Variants in IGFBP6 observed in about 807,000 individuals in gnomAD.
IGFBP6 encodes the protein insulin-like growth factor-binding protein 6.
In IGFBP6, 24 loss-of-function variants were observed where a neutral mutation model predicts 24.5. The observed-to-expected ratio is 0.98, with a 90% CI of 0.71 to 1.38. IGFBP6 has a LOEUF of 1.38. Ranked by LOEUF, IGFBP6 falls within the 40% of genes most tolerant of loss-of-function variation. The pLI is 0.00. For missense variants in IGFBP6, 331 were observed against 324.8 expected (o/e 1.02, Z -0.15); for synonymous variants, 147 against 137.4 (o/e 1.07, Z -0.49).
Position 53,102,236 on chromosome 12 carries a change from C to G in IGFBP6, c.*69C>G. Reference sequence around the variant, plus strand: ...GAGCTGTCATCACTCAACAAAAAACCGAGGCCCTCAATCCACCTTCAGGCC... The same window carrying G: ...GAGCTGTCATCACTCAACAAAAAACGGAGGCCCTCAATCCACCTTCAGGCC... On this transcript the variant is annotated 3_prime_UTR_variant, in exon 4 of 4. Transcript: ENST00000301464. 1 of 1,575,808 alleles carries G rather than the reference C, an allele frequency of 6.3e-7. No homozygotes were observed. The highest frequency in any genetic ancestry group is 8.6e-7 in the Non-Finnish European group (1 of 1,158,628).
rs1332379434 is a variant in IGFBP6 at position 53,097,869 on chromosome 12, G to A, written c.152G>A (p.Gly51Glu). Residue 51 changes from glycine to glutamate, a missense_variant, in exon 1 of 4, where the codon GGG becomes GAG. Gly to Glu is a moderately conservative substitution (Grantham distance 98). Coordinates refer to ENST00000301464, the MANE Select transcript of IGFBP6 (RefSeq NM_002178.3). ...PGGCVEEEDGGSPAEGCAEAE... is the reference protein window; with the variant it reads ...PGGCVEEEDGESPAEGCAEAE... ...GGCTGCGTGGAGGAGGAGGATGGGGGGTCGCCAGCCGAGGGCTGCGCGGAA... is the reference window on the plus strand; with the variant it reads ...GGCTGCGTGGAGGAGGAGGATGGGGAGTCGCCAGCCGAGGGCTGCGCGGAA... 1 of 1,519,004 alleles carries A rather than the reference G, an allele frequency of 6.6e-7. No individual in the cohort carries two copies. The highest frequency in any genetic ancestry group is 2.1e-5 in the Admixed American group (1 of 48,680). The allele number at this position is 1,519,004 out of a possible 1,614,324, so 94.1% of individuals were successfully genotyped here.
At position 53,102,264 on chromosome 12, in the gene IGFBP6, G is replaced by C; in HGVS notation, c.*97G>C. On this transcript the variant is annotated 3_prime_UTR_variant, in exon 4 of 4. Coordinates refer to ENST00000301464, the MANE Select transcript of IGFBP6 (RefSeq NM_002178.3). ...GGCCCTCAATCCACCTTCAGGCCCC[G>C]CCCCATGGGCCCCTCACCGCTGGTT... 1 of 1,348,000 alleles carries C rather than the reference G, an allele frequency of 7.4e-7. No homozygotes were observed. Among genetic ancestry groups the C allele is most frequent in the South Asian group, 1.3e-5 (1 of 75,154 alleles). The allele number at this position is 1,348,000 out of a possible 1,614,324, so 83.5% of individuals were successfully genotyped here. A position where few individuals can be genotyped will look rare whatever the true frequency, so the allele number is the denominator to read the frequency against.
In IGFBP6 at chr12:53,098,043, C is replaced by A. The variant is rs1458031115; in HGVS notation, c.326C>A (p.Ala109Glu). ...CGAGGCCGCTGCCTTCCGGCCCGCG[C>A]GCCTGCTGGTGAGTCCGCGCCCCGC... ...LGRGRCLPAR[A>E]PAVAEENPKE... Residue 109 changes from alanine (A) to glutamate (E), a missense_variant, in exon 1 of 4, where the codon GCG (alanine) becomes GAG (glutamate). Transcript: ENST00000301464. The A allele has an allele frequency of 6.2e-6, 9 of 1,459,374 alleles. No individual in the cohort carries two copies. The highest frequency in any genetic ancestry group is 5.5e-5 in the East Asian group (2 of 36,652). 90.4% of individuals were successfully genotyped at this position (1,459,374 alleles called of 1,614,324 possible).
intron 1 of IGFBP6, 43 bp downstream of exon 1, chr12:53,098,094 C>T: frequency 9.3e-6 from 13 of 1,391,988 alleles, no homozygotes; most frequent in South Asian, 1.6e-5. Flanking sequence ...GTGAGACCCG[C>T]GTCCTCCAGG....
intron 3 of IGFBP6, 44 bp from the exon 4 acceptor site, chr12:53,102,001 G>T (rs1200710381): frequency 2.5e-6 from 4 of 1,581,958 alleles, no homozygotes; most frequent in Non-Finnish European, 3.4e-6. Context: ...TCTCCTGCTG[G>T]AAGCCTCTGG....
chr12:53,097,800 G>A lies in IGFBP6; in HGVS notation c.83G>A (p.Arg28Gln), dbSNP rs1171003791. 24 of 1,543,462 alleles carry A rather than the reference G, an allele frequency of 1.6e-5. No individual in the cohort carries two copies. The East Asian group carries it at 5.4e-4, about 35-fold the overall frequency. Residue 28 changes from arginine (R) to glutamine (Q), a missense_variant, in exon 1 of 4, where the codon CGG becomes CAG. Arg to Gln is a conservative substitution (Grantham distance 43). Transcript: ENST00000301464. ...GCCAGCCCAGGAGGCGCCTTGGCGC[G>A]GTGCCCAGGCTGCGGGCAAGGGGTG... ...LAASPGGALA[R>Q]CPGCGQGVQA...
chr12:53,097,799 C>G lies in IGFBP6; in HGVS notation c.82C>G (p.Arg28Gly), dbSNP rs1423210155. Residue 28 changes from arginine (R) to glycine (G), a missense_variant, in exon 1 of 4, where the codon CGG becomes GGG. Physicochemically the swap from Arg to Gly is moderately radical, Grantham distance 125. Transcript: ENST00000301464. Reference sequence around the variant, plus strand: ...TGCCAGCCCAGGAGGCGCCTTGGCGCGGTGCCCAGGCTGCGGGCAAGGGGT... The same window carrying G: ...TGCCAGCCCAGGAGGCGCCTTGGCGGGGTGCCCAGGCTGCGGGCAAGGGGT... Reference protein sequence around the residue: ...LAASPGGALARCPGCGQGVQA... With the variant: ...LAASPGGALAGCPGCGQGVQA... 8 of 1,543,330 alleles carry G rather than the reference C, an allele frequency of 5.2e-6. No individual in the cohort carries two copies. In the Admixed American group the frequency reaches 1.6e-4, roughly 30 times the overall value.
chr12:53,097,716 C>A lies in IGFBP6; in HGVS notation c.-2C>A, dbSNP rs1937760920. On this transcript the variant is annotated 5_prime_UTR_variant, in exon 1 of 4. Coordinates refer to ENST00000301464, the MANE Select transcript of IGFBP6 (RefSeq NM_002178.3). ...GGAGAGGACGGGGCACAAACCCTGACCATGACCCCCCACAGGCTGCTGCCA... is the reference window on the plus strand; with the variant it reads ...GGAGAGGACGGGGCACAAACCCTGAACATGACCCCCCACAGGCTGCTGCCA... 1.3e-6 allele frequency: 2 copies of A among 1,544,324 alleles called. No individual in the cohort carries two copies. The highest frequency in any genetic ancestry group is 1.7e-6 in the Non-Finnish European group (2 of 1,146,392).
chr12:53,098,768 T>C (rs9658606), intron 1 of IGFBP6, among the ~76,000 whole-genome samples: 8,690 of 151,802 alleles, frequency 0.057, 792 homozygotes, highest in African/African-American at 0.2. Context: ...GCTGAGTCAC[T>C]GGGTGGGTGG....
chr12:53,100,650 A>G (rs1255450994), intron 1 of IGFBP6, 62 bp from the exon 2 acceptor site: 3 of 1,565,154 alleles, frequency 1.9e-6, no homozygotes, highest in Non-Finnish European at 2.6e-6. Context: ...GATGTGGGCA[A>G]GGCCCTTCTC....
intron 1 of IGFBP6, among the ~76,000 whole-genome samples, chr12:53,099,600 C>T (rs1332677579): frequency 6.6e-6 from 1 of 152,184 alleles, no homozygotes; most frequent in Non-Finnish European, 1.5e-5. Context: ...TGCCCCAGCT[C>T]TCCGGCTTCG....
intron 1 of IGFBP6, among the ~76,000 whole-genome samples, chr12:53,098,667 G>C (rs1937781153): frequency 6.6e-6 from 1 of 152,202 alleles, no homozygotes; most frequent in Admixed American, 6.5e-5. Context: ...GTAGGGGAAA[G>C]AGGGAATCTG....
Position 53,102,261 on chromosome 12 carries a change from C to T in IGFBP6, c.*94C>T, listed in dbSNP as rs1937844528. On this transcript the variant is annotated 3_prime_UTR_variant, in exon 4 of 4. Transcript: ENST00000301464. ...CGAGGCCCTCAATCCACCTTCAGGC[C>T]CCGCCCCATGGGCCCCTCACCGCTG... 2 of 1,433,196 alleles carry T rather than the reference C, an allele frequency of 1.4e-6. No homozygotes were observed. Among genetic ancestry groups the T allele is most frequent in the Middle Eastern group, 1.8e-4 (1 of 5,528 alleles). 88.8% of individuals were successfully genotyped at this position (1,433,196 alleles called of 1,614,324 possible).
intron 1 of IGFBP6, 53 bp downstream of exon 1, chr12:53,098,104 G>T: frequency 1.4e-6 from 2 of 1,390,020 alleles, no homozygotes; most frequent in Non-Finnish European, 1.9e-6. Context: ...CGTCCTCCAG[G>T]CAGGGTCCTG....
rs761402180 is a variant in IGFBP6 at position 53,098,048 on chromosome 12, G to A, written c.331G>A (p.Ala111Thr). Residue 111 changes from alanine to threonine, a missense_variant, in exon 1 of 4, where the codon GCT (alanine) becomes ACT (threonine). By Grantham distance (58) the Ala-to-Thr change is moderately conservative (BLOSUM62 0). Coordinates refer to ENST00000301464, the MANE Select transcript of IGFBP6 (RefSeq NM_002178.3). ...CCGCTGCCTTCCGGCCCGCGCGCCT[G>A]CTGGTGAGTCCGCGCCCCGCCCCTG... ...RGRCLPARAP[A>T]VAEENPKESK... 1.7e-5 allele frequency: 24 copies of A among 1,449,090 alleles called. No homozygotes were observed. Among genetic ancestry groups the A allele is most frequent in the East Asian group, 5.5e-5 (2 of 36,470 alleles). The allele number at this position is 1,449,090 out of a possible 1,614,324, so 89.8% of individuals were successfully genotyped here. A position where few individuals can be genotyped will look rare whatever the true frequency, so the allele number is the denominator to read the frequency against.
chr12:53,102,107 C>G lies in IGFBP6; in HGVS notation c.663C>G (p.Ser221=), dbSNP rs767349329. ...GGTGTGTGGATCGGATGGGCAAGTC[C>G]CTGCCAGGGTCTCCAGATGGCAATG... ...PCWCVDRMGK[S]LPGSPDGNGS... Residue 221 remains serine (S), a synonymous_variant, in exon 4 of 4, where the codon TCC becomes TCG. Transcript: ENST00000301464. 6.2e-7 allele frequency: 1 copy of G among 1,613,460 alleles called. No homozygotes were observed. Among genetic ancestry groups the G allele is most frequent in the East Asian group, 2.2e-5 (1 of 44,822 alleles).
Position 53,097,817 on chromosome 12 carries a change from C to T in IGFBP6, c.100C>T (p.Gln34Ter). Reference protein sequence around the residue: ...GALARCPGCGQGVQAGCPGGC... With the variant: ...GALARCPGCG ...CTTGGCGCGGTGCCCAGGCTGCGGG[C>T]AAGGGGTGCAGGCGGGTTGTCCAGG... The change falls in exon 1 of 4, where the codon CAA becomes TAA. Residue 34 changes from glutamine (Q) to a stop codon, truncating the protein, a stop_gained. Coordinates refer to ENST00000301464, the MANE Select transcript of IGFBP6 (RefSeq NM_002178.3). LOFTEE classifies it high-confidence loss of function. 1.3e-6 allele frequency: 2 copies of T among 1,540,864 alleles called. No individual in the cohort carries two copies. Among genetic ancestry groups the T allele is most frequent in the Non-Finnish European group, 1.7e-6 (2 of 1,145,170 alleles).
In IGFBP6 at chr12:53,100,826, C is replaced by G. The variant is rs757747117; in HGVS notation, c.449C>G (p.Pro150Arg). Residue 150 changes from proline (P) to arginine (R), a missense_variant, in exon 2 of 4, where the codon CCC becomes CGC. Physicochemically the swap from Pro to Arg is moderately radical, Grantham distance 103 (BLOSUM62 -2). Transcript: ENST00000301464. ...GGCACCTCTACCACGCCCTCCCAGC[C>G]CAATTCTGCGGGTGTCCAAGACACT... The part of the protein sequence containing the change: ...NPGTSTTPSQ[P>R]NSAGVQDTEM... The G allele has an allele frequency of 6.2e-7, 1 of 1,614,202 alleles. No individual in the cohort carries two copies. The highest frequency in any genetic ancestry group is 2.2e-5 in the East Asian group (1 of 44,888).
chr12:53,097,723 C>T lies in IGFBP6; in HGVS notation c.6C>T (p.Thr2=). 1.3e-6 allele frequency: 2 copies of T among 1,544,838 alleles called. No individual in the cohort carries two copies. Among genetic ancestry groups the T allele is most frequent in the Non-Finnish European group, 8.7e-7 (1 of 1,146,426 alleles). The part of the protein sequence containing the change: M[T]PHRLLPPLLL... ...ACGGGGCACAAACCCTGACCATGAC[C>T]CCCCACAGGCTGCTGCCACCGCTGC... Residue 2 remains threonine (T), a synonymous_variant, in exon 1 of 4, where the codon ACC becomes ACT. Transcript: ENST00000301464.
Sources: gnomAD v4.1 joint callset for allele counts (sites outside exome capture counted in the v4.1 genomes callset) on GRCh38, gnomAD v4.1.1 for gene constraint, MANE v1.5 for transcripts, NCBI Gene and HGNC (gene_info 2026-07-23, HGNC 2026-07-21) for gene names.